ARHGAP18: variants seen among roughly 807,000 people sequenced by gnomAD.
ARHGAP18 encodes Rho GTPase activating protein 18, also known as rho GTPase-activating protein 18.
A neutral mutation model predicts 86.2 loss-of-function variants in ARHGAP18; 67 were observed. That is an observed-to-expected ratio of 0.78 (90% CI 0.64 to 0.95). ARHGAP18 has a LOEUF of 0.95. Among genes scored for constraint, ARHGAP18 ranks in the 40% least tolerant of loss-of-function variants. The pLI, the probability that ARHGAP18 is intolerant of heterozygous loss-of-function variation, is 0.00. For synonymous variants in ARHGAP18, 283 were observed against 280.4 expected, an observed-to-expected ratio of 1.01 and a Z score of -0.09; for missense variants, 691 against 780.4, an observed-to-expected ratio of 0.89 and a Z score of 1.37.
At chr6:129,657,586 A>T (rs1262800846) in intron 1 of ARHGAP18, among the ~76,000 whole-genome samples, 1 of 152,224 alleles carries the variant, frequency 6.6e-6, no homozygotes, top group Non-Finnish European at 1.5e-5. Flanking sequence ...CAGGGCAACC[A>T]TCTGCATCGC....
chr6:129,645,015 T>A (rs777539266), intron 1 of ARHGAP18, among the ~76,000 whole-genome samples: 6 of 151,834 alleles, frequency 4.0e-5, no homozygotes, highest in Non-Finnish European at 8.8e-5. Context: ...TTGTCTGTAT[T>A]TTTTTTTGAT....
chr6:129,595,744 C>T (rs985252340), intron 12 of ARHGAP18, among the ~76,000 whole-genome samples: 1 of 152,128 alleles, frequency 6.6e-6, no homozygotes, highest in Non-Finnish European at 1.5e-5. Flanking sequence ...GTTAGTATGA[C>T]CTGATTTTCT....
chr6:129,600,631 T>C lies in ARHGAP18; in HGVS notation c.1572+11A>G, dbSNP rs551975355. 5 of 1,600,716 alleles carry C rather than the reference T, an allele frequency of 3.1e-6. No homozygotes were observed. In the African/African-American group the frequency reaches 5.3e-5, roughly 17 times the overall value. On this transcript the variant is annotated intron_variant, in intron 11 of 14. Transcript: ENST00000368149. ...AAACTACTAAGACCAAAGCATATGA[T>C]ATATACTTACTGTCCACAGAAGTTT...
At chr6:129,688,742 A>C (rs1480354700) in intron 1 of ARHGAP18, among the ~76,000 whole-genome samples, 1 of 152,080 alleles carries the variant, frequency 6.6e-6, no homozygotes, top group African/African-American at 2.4e-5. Context: ...CAGTGAGCCG[A>C]GATCGCACCA....
intron 12 of ARHGAP18, among the ~76,000 whole-genome samples, chr6:129,594,775 T>C (rs538691760): frequency 6.6e-6 from 1 of 152,326 alleles, no homozygotes; most frequent in East Asian, 1.9e-4. Context: ...AGGGTTCCTA[T>C]TGGCTCACAT....
At position 129,685,173 on chromosome 6, in the gene ARHGAP18, T is replaced by G. The variant is rs150512418; in HGVS notation, c.113+24851A>C. Among the ~76,000 whole-genome samples the G allele has an allele frequency of 5.7e-3, 864 of 152,246 alleles. 8 individuals are homozygous for G. Among genetic ancestry groups the G allele is most frequent in the African/African-American group, 0.02 (834 of 41,530 alleles). On this transcript the variant is annotated intron_variant, in intron 1 of 14. Coordinates refer to ENST00000368149, the MANE Select transcript of ARHGAP18 (RefSeq NM_033515.3). ...ACTTTTGGGCCTCGGTTTCCCCAAC[T>G]ATAAAATAGAGACCATAACTATACC... is the stretch of plus-strand genomic sequence containing the variant.
rs774573467 is a variant in ARHGAP18 at position 129,578,495 on chromosome 6, TG to T, written c.*17del. The T allele has an allele frequency of 1.3e-6, 2 of 1,598,618 alleles. No individual in the cohort carries two copies. The highest frequency in any genetic ancestry group is 1.7e-6 in the Non-Finnish European group (2 of 1,167,958). On this transcript the variant is annotated 3_prime_UTR_variant, in exon 15 of 15. Transcript: ENST00000368149. Reference sequence around the variant, plus strand: ...TATGACAGAAGTCCACATGGTTATCTGCAGCTTGTTAAGTCTTCTACAATGG... The same window carrying T: ...TATGACAGAAGTCCACATGGTTATCTCAGCTTGTTAAGTCTTCTACAATGG...
chr6:129,644,438 A>G (rs148705226), intron 1 of ARHGAP18, among the ~76,000 whole-genome samples: 139 of 152,318 alleles, frequency 9.1e-4, no homozygotes, highest in Non-Finnish European at 1.8e-3. Context: ...TGTATTGTTC[A>G]TATTCCTTAC....
chr6:129,635,186 A>ATTGATAATTATATTGATATTTATAT (rs1773307695), intron 3 of ARHGAP18, among the ~76,000 whole-genome samples: 1 of 152,238 alleles, frequency 6.6e-6, no homozygotes, highest in Non-Finnish European at 1.5e-5. Context: ...TTTTAATAAT[A>ATTGATAATTATATTGATATTTATAT]TTGATAATTC....
At chr6:129,606,714 T>C (rs953470139) in intron 9 of ARHGAP18, among the ~76,000 whole-genome samples, 14 of 152,186 alleles carry the variant, frequency 9.2e-5, no homozygotes, top group African/African-American at 3.1e-4. Flanking sequence ...AAAAAAATAC[T>C]TTAAACAGAA....
chr6:129,679,194 T>C (rs1236346803), intron 1 of ARHGAP18, among the ~76,000 whole-genome samples: 2 of 152,216 alleles, frequency 1.3e-5, no homozygotes, highest in Non-Finnish European at 2.9e-5. Context: ...TTTGTCCTAA[T>C]TTGCCACTTT....
At chr6:129,636,787 G>C (rs1483690185) in intron 3 of ARHGAP18, among the ~76,000 whole-genome samples, 1 of 152,206 alleles carries the variant, frequency 6.6e-6, no homozygotes, top group African/African-American at 2.4e-5. Flanking sequence ...TGAGGCAGGA[G>C]AATTGCTTGA....
At chr6:129,587,403 T>C (rs1353761341) in intron 12 of ARHGAP18, among the ~76,000 whole-genome samples, 1 of 152,220 alleles carries the variant, frequency 6.6e-6, no homozygotes, top group African/African-American at 2.4e-5. Context: ...TACTTGGGGA[T>C]GTAGTCTCTT....
At chr6:129,601,540 AAAGAG>A (rs1481952658) in intron 10 of ARHGAP18, among the ~76,000 whole-genome samples, 3 of 146,648 alleles carry the variant, frequency 2.0e-5, no homozygotes, top group African/African-American at 8.2e-5. Context: ...AGAGAGAAGA[AAAGAG>A]AAAAGAAAAG....
At chr6:129,689,471 T>A (rs1216177248) in intron 1 of ARHGAP18, among the ~76,000 whole-genome samples, 1 of 152,102 alleles carries the variant, frequency 6.6e-6, no homozygotes, top group Non-Finnish European at 1.5e-5. Flanking sequence ...TTTTGTATTT[T>A]TGGTAGAGAC....
At chr6:129,589,720 T>C (rs1011901268) in intron 12 of ARHGAP18, among the ~76,000 whole-genome samples, 1 of 152,192 alleles carries the variant, frequency 6.6e-6, no homozygotes, top group African/African-American at 2.4e-5. Flanking sequence ...GTATTAGTCG[T>C]GGTTCTTGAA....
intron 14 of ARHGAP18, 87 bp downstream of exon 14, chr6:129,579,983 T>A: frequency 8.8e-7 from 1 of 1,137,354 alleles, no homozygotes; most frequent in South Asian, 1.4e-5. Context: ...ACTTCTAATT[T>A]CCTGTTCTTC....
rs372831777 is a variant in ARHGAP18, at chr6:129,583,691, C to T, written c.1838+297G>A. Among the ~76,000 whole-genome samples, 17 of 152,268 alleles carry T rather than the reference C, an allele frequency of 1.1e-4. No homozygotes were observed. In the South Asian group the frequency reaches 1.7e-3, roughly 15 times the overall value. ...CAATCAACATATCCTGGAAAGAATA[C>T]TGAGTGGTCTCGCTTGGCAAGCCCA... On this transcript the variant is annotated intron_variant, in intron 13 of 14. Coordinates refer to ENST00000368149, the MANE Select transcript of ARHGAP18 (RefSeq NM_033515.3).
At chr6:129,678,080 A>C (rs994245675) in intron 1 of ARHGAP18, among the ~76,000 whole-genome samples, 2 of 152,216 alleles carry the variant, frequency 1.3e-5, no homozygotes, top group Non-Finnish European at 2.9e-5. Flanking sequence ...TGTTGTTGTC[A>C]GATAACAGAG....
Sources: gnomAD v4.1 joint callset for allele counts (sites outside exome capture counted in the v4.1 genomes callset) on GRCh38, gnomAD v4.1.1 for gene constraint, MANE v1.5 for transcripts, NCBI Gene and HGNC (gene_info 2026-07-23, HGNC 2026-07-21) for gene names.